The following NFIB variants were observed in gnomAD, a reference collection of about 807,000 sequenced individuals.
NFIB encodes the protein nuclear factor 1 B-type.
NFIB carries 11 observed loss-of-function variants against 61.5 expected under a neutral mutation model. That is an observed-to-expected ratio of 0.18 (90% CI 0.11 to 0.30). NFIB has a LOEUF of 0.30. NFIB is among the 10% of genes least tolerant of loss of function. The pLI, the probability that NFIB is intolerant of heterozygous loss-of-function variation, is 1.00. For missense variants in NFIB, 471 were observed against 608.9 expected (o/e 0.77, Z 2.38); for synonymous variants, 260 against 216.5 (o/e 1.20, Z -1.76).
chr9:14,104,196 A>G (rs2036204413), intron 10 of NFIB, among the ~76,000 whole-genome samples: 1 of 152,114 alleles, frequency 6.6e-6, no homozygotes, highest in Non-Finnish European at 1.5e-5. Flanking sequence ...TACAGGTGTG[A>G]GCCACGGGTG....
intron 2 of NFIB, among the ~76,000 whole-genome samples, chr9:14,274,372 G>A (rs1298830158): frequency 1.3e-5 from 2 of 151,946 alleles, no homozygotes; most frequent in African/African-American, 4.8e-5. Flanking sequence ...CGGCAGCCGT[G>A]CCAAAATTAC....
At chr9:14,445,158 C>T in the NFIB span, among the ~76,000 whole-genome samples, 2 of 152,076 alleles carry the variant, frequency 1.3e-5, no homozygotes, top group Admixed American at 1.3e-4. Context: ...GTTGATTTTT[C>T]TGTATTGGTT....
At chr9:14,426,241 TG>T in the NFIB span, among the ~76,000 whole-genome samples, 4 of 152,184 alleles carry the variant, frequency 2.6e-5, no homozygotes, top group African/African-American at 7.2e-5. Context: ...AATCACTCCA[TG>T]ATTTTCCCTG....
the NFIB span, among the ~76,000 whole-genome samples, chr9:14,420,445 C>CAAAAAAAAAAAAAAAAAAAAAAAAAA: frequency 2.6e-4 from 11 of 42,424 alleles, no homozygotes; most frequent in Admixed American, 3.7e-4. Context: ...GACTCCGTCT[C>CAAAAAAAAAAAAAAAAAAAAAAAAAA]AAAAAAAAAA....
rs767005511 is a variant in NFIB at position 14,120,463 on chromosome 9, G to C, written c.1222C>G (p.Pro408Ala). The change falls in exon 8 of 11, where the codon CCA becomes GCA. Residue 408 changes from proline (P) to alanine (A), a missense_variant. By Grantham distance (27) the Pro-to-Ala change is conservative. Coordinates refer to ENST00000380953, the MANE Select transcript of NFIB (RefSeq NM_001190737.2). The surrounding 1 kb of genome is among the most constrained non-coding windows in gnomAD (Gnocchi z 4.4). Reference protein sequence around the residue: ...TLKNYVPSYDPSSPQTSQPNG... With the variant: ...TLKNYVPSYDASSPQTSQPNG... ...ACCTGGCTGGTTTGTGGACTGGATG[G>C]GTCATAAGAAGGTACATAGTTCTTC... is the stretch of plus-strand genomic sequence containing the variant. 2.5e-6 allele frequency: 4 copies of C among 1,613,906 alleles called. No individual in the cohort carries two copies. The highest frequency in any genetic ancestry group is 3.4e-6 in the Non-Finnish European group (4 of 1,179,976).
chr9:14,107,456 G>A (rs1291726791), intron 10 of NFIB, among the ~76,000 whole-genome samples: 7 of 152,012 alleles, frequency 4.6e-5, no homozygotes, highest in Admixed American at 3.3e-4. Context: ...AAATGAGTAT[G>A]CATAGTCCAT....
chr9:14,111,559 A>G (rs1452407659), intron 10 of NFIB, among the ~76,000 whole-genome samples: 1 of 152,206 alleles, frequency 6.6e-6, no homozygotes, highest in Non-Finnish European at 1.5e-5. Context: ...AAGTTTCTAA[A>G]CTTATACATC....
Position 14,146,945 on chromosome 9 carries a change from T to C in NFIB, c.807-138A>G. On this transcript the variant is annotated intron_variant, in intron 5 of 10. Transcript: ENST00000380953. ...ATAATGGTGAGTATAATGGTGAGTA[T>C]TGAAGATATCAATAGTAATAGCAAA... 5 of 1,147,248 alleles carry C rather than the reference T, an allele frequency of 4.4e-6. No individual in the cohort carries two copies. In the South Asian group the frequency reaches 4.4e-5, roughly 10 times the overall value. The allele number at this position is 1,147,248 out of a possible 1,614,324, so 71.1% of individuals were successfully genotyped here. A position where few individuals can be genotyped will look rare whatever the true frequency, so the allele number is the denominator to read the frequency against.
At chr9:14,514,653 G>T in the NFIB span, among the ~76,000 whole-genome samples, 1 of 152,100 alleles carries the variant, frequency 6.6e-6, no homozygotes, top group Non-Finnish European at 1.5e-5. Flanking sequence ...CTTGAGAGAT[G>T]GCTGAATTGA....
chr9:14,332,342 A>AC (rs1478775680), intron 1 of NFIB, among the ~76,000 whole-genome samples: 1 of 151,406 alleles, frequency 6.6e-6, no homozygotes, highest in Admixed American at 6.6e-5. Context: ...AAAAAAAAAA[A>AC]AAAAAAAACA....
intron 1 of NFIB, among the ~76,000 whole-genome samples, chr9:14,363,213 AC>A (rs199834108): frequency 0.012 from 1,771 of 151,926 alleles, 15 homozygotes; most frequent in Non-Finnish European, 0.018. Flanking sequence ...ACACTCCCTC[AC>A]CCCCACTCCT....
the NFIB span, among the ~76,000 whole-genome samples, chr9:14,446,575 G>C: frequency 5.9e-5 from 9 of 151,958 alleles, 1 homozygote; most frequent in African/African-American, 2.2e-4. Context: ...CTTTTGGTTT[G>C]TAGCAGCCAG....
intron 2 of NFIB, among the ~76,000 whole-genome samples, chr9:14,241,918 T>C (rs60698572): frequency 0.061 from 9,234 of 152,244 alleles, 889 homozygotes; most frequent in African/African-American, 0.2. Flanking sequence ...ATTCTTTATA[T>C]ACATAAGATC....
intron 10 of NFIB, chr9:14,094,362 C>T (rs2034447858): frequency 6.6e-6 from 1 of 152,048 alleles, no homozygotes; most frequent in African/African-American, 2.4e-5. Flanking sequence ...ATTCCAGTTG[C>T]TTTTCAGCTG....
chr9:14,437,013 G>C, the NFIB span, among the ~76,000 whole-genome samples: 93 of 152,308 alleles, frequency 6.1e-4, 1 homozygote, highest in Middle Eastern at 0.02. Flanking sequence ...GAGAGAGAAA[G>C]AGACAGAGAA....
At chr9:14,497,657 C>A in the NFIB span, among the ~76,000 whole-genome samples, 1 of 152,200 alleles carries the variant, frequency 6.6e-6, no homozygotes, top group African/African-American at 2.4e-5. Flanking sequence ...ATTCATCTTC[C>A]AGGATGCTTT....
intron 2 of NFIB, among the ~76,000 whole-genome samples, chr9:14,300,925 T>C (rs891608385): frequency 6.6e-6 from 1 of 152,184 alleles, no homozygotes; most frequent in African/African-American, 2.4e-5. Flanking sequence ...GGATTGCTGT[T>C]TCAAATTTTA....
At chr9:14,140,144 T>C (rs1479492139) in intron 6 of NFIB, among the ~76,000 whole-genome samples, 1 of 152,216 alleles carries the variant, frequency 6.6e-6, no homozygotes, top group Non-Finnish European at 1.5e-5. Context: ...TGCAGGAATA[T>C]AAGGAATTGT....
intron 2 of NFIB, among the ~76,000 whole-genome samples, chr9:14,189,868 TACAA>T (rs899951312): frequency 6.6e-6 from 1 of 151,704 alleles, no homozygotes; most frequent in Non-Finnish European, 1.5e-5. Flanking sequence ...TTCCTTAAAT[TACAA>T]ACAAACTGCC....
Sources: gnomAD v4.1 joint callset for allele counts (sites outside exome capture counted in the v4.1 genomes callset) on GRCh38, gnomAD v4.1.1 for gene constraint, Gnocchi (gnomAD v3.1) non-coding constraint, MANE v1.5 for transcripts, NCBI Gene and HGNC (gene_info 2026-07-23, HGNC 2026-07-21) for gene names.